The following WARS2 variants were observed in gnomAD, a reference collection of about 807,000 sequenced individuals.
WARS2 encodes tryptophan--tRNA ligase, mitochondrial.
In WARS2, 28 loss-of-function variants were observed where a neutral mutation model predicts 36.5. That is an observed-to-expected ratio of 0.77 (90% CI 0.57 to 1.05). The LOEUF (loss-of-function observed/expected upper bound fraction) is 1.05. Among genes scored for constraint, WARS2 ranks in the 50% least tolerant of loss-of-function variants. The pLI is 0.00. For synonymous variants in WARS2, 174 were observed against 178.4 expected (o/e 0.98, Z 0.20); for missense variants, 435 against 456.8 (o/e 0.95, Z 0.44).
chr1:119,096,027 T>G (rs1052792658), intron 1 of WARS2, among the ~76,000 whole-genome samples: 3 of 152,242 alleles, frequency 2.0e-5, no homozygotes, highest in Admixed American at 6.5e-5. Context: ...TTGCTCTGTG[T>G]GTGTCTATGT....
chr1:119,070,326 G>A (rs1651193481), intron 2 of WARS2, among the ~76,000 whole-genome samples: 2 of 151,902 alleles, frequency 1.3e-5, no homozygotes, highest in South Asian at 4.2e-4. Flanking sequence ...CAGGGGCGTG[G>A]TCTCTGCTCA....
chr1:119,070,451 G>A (rs1034028924), intron 2 of WARS2, among the ~76,000 whole-genome samples: 1 of 151,976 alleles, frequency 6.6e-6, no homozygotes, highest in African/African-American at 2.4e-5. Flanking sequence ...TTTTTTTGTA[G>A]AGACAGGGTT....
chr1:119,116,427 G>A (rs770700721), intron 1 of WARS2, among the ~76,000 whole-genome samples: 1 of 152,160 alleles, frequency 6.6e-6, no homozygotes, highest in African/African-American at 2.4e-5. Context: ...ACAGTGTCTG[G>A]AGACTCACAT....
chr1:119,085,038 T>G, intron 1 of WARS2: 1 of 666,884 alleles, frequency 1.5e-6, no homozygotes. Context: ...AGACTCCTGC[T>G]CCCGGCAGCG....
At chr1:119,039,797 C>T (rs895397357) in intron 4 of WARS2, among the ~76,000 whole-genome samples, 5 of 151,704 alleles carry the variant, frequency 3.3e-5, no homozygotes, top group Admixed American at 1.3e-4. Flanking sequence ...ATGATTTTGA[C>T]AAAAGGAAAC....
intron 2 of WARS2, among the ~76,000 whole-genome samples, chr1:119,051,051 G>T (rs1649311573): frequency 1.3e-5 from 2 of 151,894 alleles, no homozygotes; most frequent in African/African-American, 4.8e-5. Context: ...TTTATTTTAG[G>T]TTCAGGAGTA....
chr1:119,122,998 T>C (rs1226866085), intron 1 of WARS2, among the ~76,000 whole-genome samples: 1 of 152,142 alleles, frequency 6.6e-6, no homozygotes, highest in Non-Finnish European at 1.5e-5. Flanking sequence ...CTTGGGTTTA[T>C]TAACTTGTGA....
intron 1 of WARS2, among the ~76,000 whole-genome samples, chr1:119,118,764 G>A (rs1384186018): frequency 6.6e-6 from 1 of 151,800 alleles, no homozygotes; most frequent in Non-Finnish European, 1.5e-5. Context: ...AGAAGGGATT[G>A]GGGTCCTATT....
chr1:119,085,389 G>A (rs1172800379), intron 1 of WARS2: 8 of 1,398,710 alleles, frequency 5.7e-6, no homozygotes, highest in Non-Finnish European at 8.1e-6. Context: ...TTCCTTTACT[G>A]TCTTGCTTCT....
rs752523384 is a variant in WARS2, at chr1:119,033,092, C to A, written c.902G>T (p.Arg301Leu). 12 of 1,614,238 alleles carry A rather than the reference C, an allele frequency of 7.4e-6. No homozygotes were observed. The highest frequency in any genetic ancestry group is 1.1e-5 in the South Asian group (1 of 91,090). The change falls in exon 6 of 6, where the codon CGC (arginine) becomes CTC (leucine). Residue 301 changes from arginine (R) to leucine (L), a missense_variant. Transcript: ENST00000235521. ...VRRSAGMNTA[R>L]YKLAVADAVI... ...AGCATCTGCCACGGCCAGCTTGTAG[C>A]GAGCAGTGTTCATGCCCGCGCTGCG...
intron 3 of WARS2, among the ~76,000 whole-genome samples, chr1:119,043,089 G>C (rs1001233732): frequency 6.6e-6 from 1 of 152,186 alleles, no homozygotes; most frequent in Non-Finnish European, 1.5e-5. Flanking sequence ...AACTACTACT[G>C]TGTACTCACT....
At chr1:119,134,332 A>AC (rs1553183037) in intron 1 of WARS2, among the ~76,000 whole-genome samples, 1 of 151,188 alleles carries the variant, frequency 6.6e-6, no homozygotes, top group African/African-American at 2.4e-5. Flanking sequence ...AAAAAAAAAA[A>AC]AAAAAAAAAC....
At chr1:119,128,037 T>C (rs1655799272) in intron 1 of WARS2, among the ~76,000 whole-genome samples, 2 of 152,224 alleles carry the variant, frequency 1.3e-5, no homozygotes, top group South Asian at 4.1e-4. Context: ...CTAATGTCTT[T>C]AGTGATAATA....
At chr1:119,033,902 T>C (rs1647657969) in intron 5 of WARS2, among the ~76,000 whole-genome samples, 193 bp downstream of exon 5, 1 of 152,224 alleles carries the variant, frequency 6.6e-6, no homozygotes, top group African/African-American at 2.4e-5. Flanking sequence ...TAATCCAACA[T>C]CTTTTTCAGG....
At chr1:119,091,932 C>G (rs1364467431) in intron 1 of WARS2, among the ~76,000 whole-genome samples, 1 of 152,182 alleles carries the variant, frequency 6.6e-6, no homozygotes, top group Non-Finnish European at 1.5e-5. Context: ...CAAAATGACA[C>G]AGAAAACAGG....
intron 1 of WARS2, among the ~76,000 whole-genome samples, chr1:119,134,209 T>A (rs1656311969): frequency 6.6e-6 from 1 of 150,864 alleles, no homozygotes; most frequent in Admixed American, 6.6e-5. Flanking sequence ...TCTTGCATGC[T>A]GTTTGGTGCA....
chr1:119,053,214 TA>T (rs1649512536), intron 2 of WARS2, among the ~76,000 whole-genome samples: 1 of 151,722 alleles, frequency 6.6e-6, no homozygotes, highest in South Asian at 2.1e-4. Context: ...AATTTTTTTT[TA>T]AAAAAGAAGA....
intron 4 of WARS2, among the ~76,000 whole-genome samples, chr1:119,041,375 C>T (rs909994417): frequency 1.3e-5 from 2 of 152,100 alleles, no homozygotes; most frequent in African/African-American, 4.8e-5. Flanking sequence ...GGGATGAAAT[C>T]AGAAGCCCTG....
chr1:119,129,869 C>A (rs1382339834), intron 1 of WARS2, among the ~76,000 whole-genome samples: 1 of 152,188 alleles, frequency 6.6e-6, no homozygotes, highest in African/African-American at 2.4e-5. Context: ...TATAATATCA[C>A]TGGCCACTTT....
Sources: allele counts gnomAD v4.1 joint callset (sites outside exome capture counted in the v4.1 genomes callset), GRCh38; gene constraint gnomAD v4.1.1; transcripts MANE v1.5; gene names NCBI Gene and HGNC (gene_info 2026-07-23, HGNC 2026-07-21).